Variants in DOCK4 observed in about 807,000 individuals in gnomAD.
DOCK4 encodes dedicator of cytokinesis protein 4.
A neutral mutation model predicts 268.1 loss-of-function variants in DOCK4; 97 were observed. The ratio of observed to expected loss-of-function variants is 0.36; its 90% CI spans 0.31 to 0.43. The LOEUF (loss-of-function observed/expected upper bound fraction) is 0.43, where lower values mean the gene tolerates loss of function less well. DOCK4 is among the 20% of genes least tolerant of loss of function. DOCK4 has a pLI of 1.00. For synonymous variants in DOCK4, 954 were observed against 887.2 expected (o/e 1.08, Z -1.34); for missense variants, 2,145 against 2,455.7 (o/e 0.87, Z 2.67).
intron 1 of DOCK4, among the ~76,000 whole-genome samples, chr7:112,120,047 C>T (rs1812588909): frequency 6.6e-6 from 1 of 152,074 alleles, no homozygotes; most frequent in East Asian, 1.9e-4. Flanking sequence ...CGGGGTTTCA[C>T]CATGTTAGCC....
intron 10 of DOCK4, among the ~76,000 whole-genome samples, chr7:111,943,801 GA>G (rs534163376): frequency 6.6e-6 from 1 of 152,068 alleles, no homozygotes; most frequent in Non-Finnish European, 1.5e-5. Flanking sequence ...ATTTTTATGA[GA>G]AAAAACATAC....
intron 36 of DOCK4, among the ~76,000 whole-genome samples, chr7:111,772,565 G>A (rs1397104588): frequency 2.0e-5 from 3 of 152,190 alleles, no homozygotes; most frequent in Non-Finnish European, 4.4e-5. Flanking sequence ...GGAGGCCAAG[G>A]CAGGTGCATT....
intron 2 of DOCK4, 66 bp from the exon 3 acceptor site, chr7:112,000,600 T>A: frequency 8.3e-7 from 1 of 1,197,736 alleles, no homozygotes. Context: ...TAATAACAAA[T>A]CAATCTGTTC....
chr7:112,173,446 C>T (rs1818247787), intron 1 of DOCK4, among the ~76,000 whole-genome samples: 1 of 152,112 alleles, frequency 6.6e-6, no homozygotes, highest in Non-Finnish European at 1.5e-5. Context: ...AGGCAGCAGG[C>T]CTTCTTACCC....
At chr7:111,938,973 C>CA (rs557205821) in intron 11 of DOCK4, among the ~76,000 whole-genome samples, 1,118 of 53,346 alleles carry the variant, frequency 0.021, 6 homozygotes, top group African/African-American at 0.048. Flanking sequence ...GACTCTGTCT[C>CA]AAAAAAAAAA....
intron 22 of DOCK4, 30 bp from the exon 23 acceptor site, chr7:111,863,594 TC>T (rs969925576): frequency 1.9e-6 from 3 of 1,551,588 alleles, no homozygotes; most frequent in Non-Finnish European, 2.6e-6. Flanking sequence ...TTAAATCAAC[TC>T]CCAGATACGC....
chr7:111,795,330 T>G (rs1162967032), intron 30 of DOCK4, among the ~76,000 whole-genome samples: 2 of 152,034 alleles, frequency 1.3e-5, no homozygotes, highest in African/African-American at 4.8e-5. Flanking sequence ...AAACCCAGCT[T>G]CATCCCTGGC....
intron 40 of DOCK4, among the ~76,000 whole-genome samples, chr7:111,759,923 G>A: frequency 6.6e-6 from 1 of 152,110 alleles, no homozygotes; most frequent in East Asian, 1.9e-4. Context: ...TAAAGGCAGG[G>A]TTGAGCTATA....
intron 1 of DOCK4, among the ~76,000 whole-genome samples, chr7:112,031,294 G>A (rs1278252139): frequency 6.6e-6 from 1 of 152,204 alleles, no homozygotes; most frequent in African/African-American, 2.4e-5. Context: ...TCCCTGTCTT[G>A]TCTGCTGGGT....
chr7:111,737,746 G>A (rs1283904397), intron 49 of DOCK4, among the ~76,000 whole-genome samples: 1 of 152,108 alleles, frequency 6.6e-6, no homozygotes, highest in Admixed American at 6.5e-5. Flanking sequence ...ACTAAAACCA[G>A]AAAACTTGGG....
chr7:111,969,372 G>C (rs1483284972), intron 8 of DOCK4, among the ~76,000 whole-genome samples: 1 of 148,590 alleles, frequency 6.7e-6, no homozygotes, highest in Non-Finnish European at 1.5e-5. Context: ...GATTCCAGTT[G>C]CCACCAGATA....
chr7:112,161,870 G>A (rs984855178), intron 1 of DOCK4, among the ~76,000 whole-genome samples: 12 of 152,086 alleles, frequency 7.9e-5, no homozygotes, highest in Non-Finnish European at 1.8e-4. Context: ...ATAACAAAAC[G>A]CCTGCATCCT....
Position 111,736,958 on chromosome 7 carries a change from G to T in DOCK4, c.5264C>A (p.Ala1755Asp), listed in dbSNP as rs762163871. 6.2e-6 allele frequency: 10 copies of T among 1,605,038 alleles called. 1 individual carries two copies. In the Admixed American group the frequency reaches 6.8e-5, roughly 11 times the overall value. Reference protein sequence around the residue: ...RMLFNHIGDGALPRSDPNLSA... With the variant: ...RMLFNHIGDGDLPRSDPNLSA... ...GAGATTTGGGTCACTGCGTGGCAAG[G>T]CCCCGTCTCCAATATGATTAAACAG... The change falls in exon 50 of 53, where the codon GCC becomes GAC. Residue 1755 changes from alanine to aspartate, a missense_variant. Physicochemically the swap from Ala to Asp is moderately radical, Grantham distance 126. This residue lies in a region of DOCK4 where 547 missense variants were observed against 469.0 expected (regional missense o/e 1.17). Coordinates refer to ENST00000428084, the MANE Select transcript of DOCK4 (RefSeq NM_001363540.2).
intron 30 of DOCK4, among the ~76,000 whole-genome samples, chr7:111,791,861 G>C (rs1279281538): frequency 6.6e-6 from 1 of 152,098 alleles, no homozygotes; most frequent in Non-Finnish European, 1.5e-5. Flanking sequence ...TGAGCCACCA[G>C]GCTGGGCCCC....
intron 5 of DOCK4, among the ~76,000 whole-genome samples, chr7:111,991,129 G>A (rs919216642): frequency 6.6e-6 from 1 of 152,188 alleles, no homozygotes; most frequent in East Asian, 1.9e-4. Flanking sequence ...TTGTTTAGTA[G>A]GATGGACTTG....
intron 16 of DOCK4, among the ~76,000 whole-genome samples, chr7:111,881,458 C>T (rs760259779): frequency 5.3e-5 from 8 of 152,148 alleles, no homozygotes; most frequent in Admixed American, 2.0e-4. Context: ...AAAGGGAACC[C>T]TCATACACTT....
intron 1 of DOCK4, among the ~76,000 whole-genome samples, chr7:112,049,258 G>A (rs1465871703): frequency 6.6e-6 from 1 of 152,136 alleles, no homozygotes; most frequent in Admixed American, 6.5e-5. Context: ...AGGCTTGAAG[G>A]AGAGAAATGG....
intron 8 of DOCK4, among the ~76,000 whole-genome samples, chr7:111,951,629 T>C (rs2134880392): frequency 7.2e-6 from 1 of 138,860 alleles, no homozygotes; most frequent in South Asian, 2.3e-4. Context: ...GTCAACATAT[T>C]GGAAACCCCA....
At chr7:111,753,820 G>A (rs1276307071) in intron 42 of DOCK4, among the ~76,000 whole-genome samples, 2 of 152,232 alleles carry the variant, frequency 1.3e-5, no homozygotes. Flanking sequence ...GCTGTTAAGA[G>A]TGGGCTGTGT....
Sources: gnomAD v4.1 joint callset for allele counts (sites outside exome capture counted in the v4.1 genomes callset) on GRCh38, gnomAD v4.1.1 for gene constraint, gnomAD v4.1.1 regional missense constraint, MANE v1.5 for transcripts, NCBI Gene and HGNC (gene_info 2026-07-23, HGNC 2026-07-21) for gene names.